The following RGS8 variants were observed in gnomAD, a reference collection of about 807,000 sequenced individuals.
RGS8 encodes the protein regulator of G-protein signaling 8.
A neutral mutation model predicts 21.7 loss-of-function variants in RGS8; 8 were observed. That is an observed-to-expected ratio of 0.37 (90% confidence interval 0.22 to 0.66). RGS8 has a LOEUF of 0.66. Among genes scored for constraint, RGS8 ranks in the 30% least tolerant of loss-of-function variants. RGS8 has a pLI of 0.59. For synonymous variants in RGS8, 80 were observed against 83.6 expected, an observed-to-expected ratio of 0.96 and a Z score of 0.24; for missense variants, 157 against 217.9, an observed-to-expected ratio of 0.72 and a Z score of 1.76.
the RGS8 span, among the ~76,000 whole-genome samples, chr1:182,718,282 T>C: frequency 6.6e-6 from 1 of 152,170 alleles, no homozygotes; most frequent in East Asian, 1.9e-4. Context: ...ATCTGAGTCC[T>C]AGAGAGACAG....
At chr1:182,678,302 A>G (rs1285412617) in intron 1 of RGS8, among the ~76,000 whole-genome samples, 1 of 152,256 alleles carries the variant, frequency 6.6e-6, no homozygotes, top group Non-Finnish European at 1.5e-5. Flanking sequence ...GTGTGGCTTC[A>G]GTAAAATAAG....
upstream of RGS8, among the ~76,000 whole-genome samples, chr1:182,688,446 G>A (rs1264978700): frequency 2.0e-5 from 3 of 152,140 alleles, no homozygotes; most frequent in African/African-American, 7.2e-5. Flanking sequence ...GAAAAAGAGG[G>A]AAAAGAAGAA....
chr1:182,738,831 T>G, the RGS8 span, among the ~76,000 whole-genome samples: 1 of 152,180 alleles, frequency 6.6e-6, no homozygotes, highest in Non-Finnish European at 1.5e-5. Context: ...ATTTAGGGGT[T>G]AGGGCAGGGT....
chr1:182,716,164 C>T, the RGS8 span, among the ~76,000 whole-genome samples: 504 of 147,450 alleles, frequency 3.4e-3, 1 homozygote, highest in Non-Finnish European at 6.0e-3. Context: ...CTCACTTTGT[C>T]GCCCCGGCTG....
At chr1:182,652,072 CTG>C (rs1663047474) in intron 5 of RGS8, among the ~76,000 whole-genome samples, 1 of 152,216 alleles carries the variant, frequency 6.6e-6, no homozygotes, top group Non-Finnish European at 1.5e-5. Flanking sequence ...CCCTAAAAGA[CTG>C]TGAATTTGTC....
At chr1:182,689,818 C>T in the RGS8 span, among the ~76,000 whole-genome samples, 1 of 152,162 alleles carries the variant, frequency 6.6e-6, no homozygotes, top group Non-Finnish European at 1.5e-5. Flanking sequence ...TGGGCACAGG[C>T]CAGCATGTGA....
chr1:182,709,692 T>C, the RGS8 span, among the ~76,000 whole-genome samples: 1 of 152,202 alleles, frequency 6.6e-6, no homozygotes, highest in Non-Finnish European at 1.5e-5. Context: ...ATTCCCTGAC[T>C]TTAAGAAAAA....
In RGS8 at chr1:182,679,701, C is replaced by T. The variant is rs537471075; in HGVS notation, n.221+4655G>A. Among the ~76,000 whole-genome samples the T allele has an allele frequency of 8.6e-4, 131 of 152,232 alleles. 1 individual carries two copies. The South Asian group carries it at 8.9e-3, about 10-fold the overall frequency. ...CTCCGATAGTCCTTGGGTTGCTGAA[C>T]ATACCCCTCAGATATCCTACAGGCC... On this transcript the variant is annotated intron_variant and non_coding_transcript_variant, in intron 1 of 4. Coordinates refer to the RGS8 transcript ENST00000515211.
the RGS8 span, among the ~76,000 whole-genome samples, chr1:182,696,864 TG>T: frequency 3.3e-5 from 5 of 152,226 alleles, no homozygotes; most frequent in Non-Finnish European, 7.3e-5. Context: ...TGAAGGGAGT[TG>T]GTGGATCAGC....
the RGS8 span, among the ~76,000 whole-genome samples, chr1:182,721,105 A>T: frequency 1.4e-4 from 20 of 146,582 alleles, no homozygotes; most frequent in Admixed American, 6.2e-4. Flanking sequence ...GTATATATAT[A>T]CATATATATA....
the RGS8 span, among the ~76,000 whole-genome samples, chr1:182,745,105 G>A: frequency 6.6e-6 from 1 of 152,158 alleles, no homozygotes; most frequent in African/African-American, 2.4e-5. Flanking sequence ...TAGTTCTTCA[G>A]AAAGCTTCCT....
intron 5 of RGS8, among the ~76,000 whole-genome samples, chr1:182,657,500 C>T (rs1355059932): frequency 6.6e-6 from 1 of 152,192 alleles, no homozygotes; most frequent in Non-Finnish European, 1.5e-5. Context: ...CCCATGCACC[C>T]CAGACCCTGC....
chr1:182,717,903 T>C, the RGS8 span, among the ~76,000 whole-genome samples: 1 of 152,198 alleles, frequency 6.6e-6, no homozygotes, highest in Non-Finnish European at 1.5e-5. Context: ...GACAAGTTCA[T>C]CTCTTTTTCC....
chr1:182,733,000 C>T, the RGS8 span, among the ~76,000 whole-genome samples: 38 of 152,244 alleles, frequency 2.5e-4, no homozygotes, highest in African/African-American at 8.4e-4. Flanking sequence ...CTTAAAAGAC[C>T]GTATATTGTT....
upstream of RGS8, among the ~76,000 whole-genome samples, chr1:182,675,570 C>T (rs549240326): frequency 5.3e-5 from 8 of 152,152 alleles, no homozygotes; most frequent in Non-Finnish European, 1.2e-4. Context: ...GAGTTTGTCC[C>T]GTTTGCCTAT....
the RGS8 span, among the ~76,000 whole-genome samples, chr1:182,726,394 GGT>G: frequency 2.0e-5 from 3 of 152,196 alleles, no homozygotes; most frequent in Non-Finnish European, 4.4e-5. Context: ...GCCACGGCCA[GGT>G]GCGGTGGCTC....
At chr1:182,689,305 A>ACACACC (rs1491446835), upstream of RGS8, among the ~76,000 whole-genome samples, 14 of 130,650 alleles carry the variant, frequency 1.1e-4, no homozygotes, top group East Asian at 6.5e-4. Context: ...ACACACACAC[A>ACACACC]CCCCACAAGT....
chr1:182,646,613 C>T (rs1323752771), exon 7 of RGS8: 4 of 862,152 alleles, frequency 4.6e-6, no homozygotes, highest in South Asian at 3.5e-5. Context: ...TCCCTCCTCA[C>T]CCCCAGCCTC....
the RGS8 span, among the ~76,000 whole-genome samples, chr1:182,700,634 G>A: frequency 4.6e-5 from 7 of 152,196 alleles, no homozygotes; most frequent in Non-Finnish European, 1.0e-4. Context: ...AGTCATGAGT[G>A]TCTTAGAAAG....
Sources: allele counts gnomAD v4.1 joint callset (sites outside exome capture counted in the v4.1 genomes callset), GRCh38; gene constraint gnomAD v4.1.1; transcripts MANE v1.5; gene names NCBI Gene and HGNC (gene_info 2026-07-23, HGNC 2026-07-21).